Variants in TLR3 observed in about 807,000 individuals in gnomAD.
TLR3 encodes the protein toll like receptor 3, also known as toll-like receptor 3.
A neutral mutation model predicts 66.4 loss-of-function variants in TLR3; 43 were observed. The observed-to-expected ratio is 0.65, with a 90% CI of 0.51 to 0.83. TLR3 has a LOEUF of 0.83. TLR3 is among the 40% of genes least tolerant of loss of function. TLR3 has a pLI of 0.00. For synonymous variants in TLR3, 397 were observed against 397.2 expected (o/e 1.00, Z 0.01); for missense variants, 982 against 1,044.6 (o/e 0.94, Z 0.83).
chr4:186,086,785 T>C lies in TLR3; in HGVS notation c.*1912T>C, dbSNP rs2099304434. The C allele has an allele frequency of 6.6e-6, 1 of 152,018 alleles. No homozygotes were observed. Among genetic ancestry groups the C allele is most frequent in the African/African-American group, 2.4e-5 (1 of 41,406 alleles). The allele number at this position is 152,018 out of a possible 1,614,324, so 9.4% of individuals were successfully genotyped here. A position where few individuals can be genotyped will look rare whatever the true frequency, so the allele number is the denominator to read the frequency against. On this transcript the variant is annotated 3_prime_UTR_variant, in exon 5 of 5. Coordinates refer to ENST00000296795, the MANE Select transcript of TLR3 (RefSeq NM_003265.3). ...TAATATATAATATCTATATTTAATA[T>C]ATTGATATGTTACTGGTGGAGAGTG... is the stretch of plus-strand genomic sequence containing the variant.
chr4:186,079,481 C>A (rs2099303053), intron 3 of TLR3, among the ~76,000 whole-genome samples: 1 of 152,180 alleles, frequency 6.6e-6, no homozygotes, highest in South Asian at 2.1e-4. Context: ...CCTCTCTAGC[C>A]TCCCAGCTTT....
rs2099303769 is a variant in TLR3, at chr4:186,082,826, C to A, written c.1140C>A (p.Asn380Lys). Residue 380 changes from asparagine to lysine, a missense_variant, in exon 4 of 5, where the codon AAC becomes AAA. By Grantham distance (94) the Asn-to-Lys change is moderately conservative. This residue lies in a region of TLR3 where 666 missense variants were observed against 709.0 expected (regional missense o/e 0.94). Transcript: ENST00000296795. ...GCAATATGTTCACAGGATTGATAAA[C>A]CTGAAATACTTAAGTCTATCCAACT... is the stretch of plus-strand genomic sequence containing the variant. ...IKSNMFTGLI[N>K]LKYLSLSNSF... 1 of 1,613,776 alleles carries A rather than the reference C, an allele frequency of 6.2e-7. No homozygotes were observed. Among genetic ancestry groups the A allele is most frequent in the Admixed American group, 1.7e-5 (1 of 59,966 alleles).
chr4:186,077,187 C>A, intron 2 of TLR3, 127 bp downstream of exon 2: 3 of 974,232 alleles, frequency 3.1e-6, no homozygotes, highest in South Asian at 1.6e-5. Flanking sequence ...ACAAATATTG[C>A]CATTATAATA....
intron 2 of TLR3, among the ~76,000 whole-genome samples, chr4:186,077,578 T>C (rs941282412): frequency 6.6e-6 from 1 of 152,196 alleles, no homozygotes; most frequent in Non-Finnish European, 1.5e-5. Context: ...TTTTCAAAAC[T>C]TTGCTCGAAT....
At position 186,082,835 on chromosome 4, in the gene TLR3, C is replaced by T. The variant is rs757846446; in HGVS notation, c.1149C>T (p.Tyr383=). 113 of 1,613,846 alleles carry T rather than the reference C, an allele frequency of 7.0e-5. 5 individuals are homozygous for T. The South Asian group carries it at 1.2e-3, about 17-fold the overall frequency. Residue 383 remains tyrosine (Y), a synonymous_variant, in exon 4 of 5, where the codon TAC becomes TAT. Transcript: ENST00000296795. ...NMFTGLINLK[Y]LSLSNSFTSL... ...TCACAGGATTGATAAACCTGAAATA[C>T]TTAAGTCTATCCAACTCCTTTACAA...
intron 3 of TLR3, among the ~76,000 whole-genome samples, chr4:186,081,409 C>T (rs1413211642): frequency 6.6e-5 from 10 of 152,144 alleles, no homozygotes; most frequent in Admixed American, 6.5e-4. Context: ...AGTCCCAGAA[C>T]AGCCAAGGCT....
At chr4:186,077,368 A>G (rs1005287685) in intron 2 of TLR3, among the ~76,000 whole-genome samples, 3 of 152,236 alleles carry the variant, frequency 2.0e-5, no homozygotes, top group Admixed American at 1.3e-4. Context: ...CTAAACTTTC[A>G]ATGCTGCTGA....
intron 3 of TLR3, chr4:186,081,516 C>G (rs2099303459): frequency 6.6e-6 from 1 of 152,466 alleles, no homozygotes; most frequent in African/African-American, 2.4e-5. Context: ...AGAGGGAGAG[C>G]TAGAGCTCAG....
chr4:186,078,543 C>A (rs1386532215), intron 2 of TLR3, among the ~76,000 whole-genome samples: 3 of 152,052 alleles, frequency 2.0e-5, no homozygotes, highest in Non-Finnish European at 4.4e-5. Flanking sequence ...TAGCAATGTT[C>A]CTTATATCAT....
At chr4:186,075,359 T>A (rs964008544) in intron 1 of TLR3, among the ~76,000 whole-genome samples, 2 of 152,204 alleles carry the variant, frequency 1.3e-5, no homozygotes, top group Non-Finnish European at 2.9e-5. Flanking sequence ...CATTGGCTCA[T>A]GCCTGTAATC....
At chr4:186,071,763 T>A (rs2099301507) in intron 1 of TLR3, among the ~76,000 whole-genome samples, 1 of 152,252 alleles carries the variant, frequency 6.6e-6, no homozygotes, top group Admixed American at 6.5e-5. Flanking sequence ...AGAACAATTC[T>A]ATATACTCAC....
intron 2 of TLR3, among the ~76,000 whole-genome samples, chr4:186,077,832 GA>G (rs11364853): frequency 0.71 from 106,494 of 149,322 alleles, 38,810 homozygotes; most frequent in East Asian, 0.87. Flanking sequence ...TAGAGCACCA[GA>G]AAAAAAAAAA....
rs778886455 is a variant in TLR3 at position 186,077,069 on chromosome 4, A to G, written c.441+9A>G. On this transcript the variant is annotated intron_variant, in intron 2 of 4. Transcript: ENST00000296795. ...CCTTTGTCAAGCAGAAGGTAAGTTGAAAATGTCTATTGTTACTAATGTTTT... is the reference window on the plus strand; with the variant it reads ...CCTTTGTCAAGCAGAAGGTAAGTTGGAAATGTCTATTGTTACTAATGTTTT... The G allele has an allele frequency of 6.2e-7, 1 of 1,611,672 alleles. No homozygotes were observed. The highest frequency in any genetic ancestry group is 1.1e-5 in the South Asian group (1 of 90,726).
chr4:186,083,999 G>T lies in TLR3; in HGVS notation c.2313G>T (p.Trp771Cys). ...IHAYKDKDWV[W>C]EHFSSMEKED... ...CCTATAAAGATAAGGATTGGGTCTG[G>T]GAACATTTCTCTTCAATGGAAAAGG... is the stretch of plus-strand genomic sequence containing the variant. Residue 771 changes from tryptophan (W) to cysteine (C), a missense_variant, in exon 4 of 5, where the codon TGG (tryptophan) becomes TGT (cysteine). Trp to Cys is a radical substitution (Grantham distance 215). This residue lies in a region of TLR3 where 666 missense variants were observed against 709.0 expected (regional missense o/e 0.94). Transcript: ENST00000296795. The surrounding 1 kb of genome is among the most constrained non-coding windows in gnomAD (Gnocchi z 4.0). 1 of 1,614,066 alleles carries T rather than the reference G, an allele frequency of 6.2e-7. No homozygotes were observed. Among genetic ancestry groups the T allele is most frequent in the South Asian group, 1.1e-5 (1 of 91,068 alleles).
Position 186,084,727 on chromosome 4 carries a change from G to A in TLR3, c.2569G>A (p.Asp857Asn), listed in dbSNP as rs747170185. 11 of 1,613,908 alleles carry A rather than the reference G, an allele frequency of 6.8e-6. 1 individual carries two copies. The highest frequency in any genetic ancestry group is 5.9e-6 in the Non-Finnish European group (7 of 1,179,984). The change falls in exon 5 of 5, where the codon GAT becomes AAT. Residue 857 changes from aspartate (D) to asparagine (N), a missense_variant. Around this residue, in one of 3 missense-constraint regions of TLR3, gnomAD observed 666 missense variants for 709.0 expected, o/e 0.94. Coordinates refer to ENST00000296795, the MANE Select transcript of TLR3 (RefSeq NM_003265.3). ...ATTGGTTTTCCTTGAGGAGATTCCA[G>A]ATTATAAACTGAACCATGCACTCTG... is the stretch of plus-strand genomic sequence containing the variant. The part of the protein sequence containing the change: ...IILVFLEEIP[D>N]YKLNHALCLR...
intron 1 of TLR3, among the ~76,000 whole-genome samples, chr4:186,070,415 C>T (rs1463132707): frequency 3.3e-5 from 5 of 152,054 alleles, no homozygotes; most frequent in African/African-American, 9.7e-5. Flanking sequence ...GACAAGGTCT[C>T]GCTGTGTTGC....
In TLR3 at chr4:186,082,908, C is replaced by T. The variant is rs2099303780; in HGVS notation, c.1222C>T (p.Pro408Ser). 1 of 1,614,164 alleles carries T rather than the reference C, an allele frequency of 6.2e-7. No individual in the cohort carries two copies. The highest frequency in any genetic ancestry group is 2.2e-5 in the East Asian group (1 of 44,874). ...AACATTTGTATCACTTGCTCATTCT[C>T]CCTTACACATACTCAACCTAACCAA... ...NETFVSLAHS[P>S]LHILNLTKNK... The change falls in exon 4 of 5, where the codon CCC (proline) becomes TCC (serine). Residue 408 changes from proline to serine, a missense_variant. By Grantham distance (74) the Pro-to-Ser change is moderately conservative (BLOSUM62 -1). Transcript: ENST00000296795.
rs775486243 is a variant in TLR3 at position 186,083,828 on chromosome 4, G to C, written c.2142G>C (p.Leu714Phe). Residue 714 changes from leucine (L) to phenylalanine (F), a missense_variant, in exon 4 of 5, where the codon TTG becomes TTC. By Grantham distance (22) the Leu-to-Phe change is conservative (BLOSUM62 0). This residue lies in a region of TLR3 where 666 missense variants were observed against 709.0 expected (regional missense o/e 0.94). Coordinates refer to ENST00000296795, the MANE Select transcript of TLR3 (RefSeq NM_003265.3). This position sits in a 1 kb window ranked among gnomAD's most constrained non-coding sequence, Gnocchi z 4.0. ...TCATGATCAATACCAGTATCCTGTT[G>C]ATTTTTATCTTTATTGTACTTCTCA... is the stretch of plus-strand genomic sequence containing the variant. ...LFFMINTSIL[L>F]IFIFIVLLIH... 5 of 1,613,980 alleles carry C rather than the reference G, an allele frequency of 3.1e-6. No homozygotes were observed. Among genetic ancestry groups the C allele is most frequent in the Non-Finnish European group, 4.2e-6 (5 of 1,179,990 alleles).
In TLR3 at chr4:186,087,516, A is replaced by G. The variant is rs2099304557; in HGVS notation, c.*2643A>G. The G allele has an allele frequency of 6.6e-6, 1 of 152,158 alleles. No homozygotes were observed. Among genetic ancestry groups the G allele is most frequent in the African/African-American group, 2.4e-5 (1 of 41,424 alleles). 9.4% of individuals were successfully genotyped at this position (152,158 alleles called of 1,614,324 possible). ...AATCCTCTCAGGGTGCCATCATGTAATCTGTCCACTCCAACTTCTTCCTGT... is the reference window on the plus strand; with the variant it reads ...AATCCTCTCAGGGTGCCATCATGTAGTCTGTCCACTCCAACTTCTTCCTGT... On this transcript the variant is annotated 3_prime_UTR_variant, in exon 5 of 5. Transcript: ENST00000296795.
Sources: gnomAD v4.1 joint callset for allele counts (sites outside exome capture counted in the v4.1 genomes callset) on GRCh38, gnomAD v4.1.1 for gene constraint, gnomAD v4.1.1 regional missense constraint, Gnocchi (gnomAD v3.1) non-coding constraint, MANE v1.5 for transcripts, NCBI Gene and HGNC (gene_info 2026-07-23, HGNC 2026-07-21) for gene names.